Variants in SDCCAG8 observed in about 807,000 individuals in gnomAD.
SDCCAG8 encodes the protein SHH signaling and ciliogenesis regulator SDCCAG8, also known as serologically defined colon cancer antigen 8.
A neutral mutation model predicts 101.8 loss-of-function variants in SDCCAG8; 74 were observed. The observed-to-expected ratio is 0.73, with a 90% CI of 0.60 to 0.88. The LOEUF (loss-of-function observed/expected upper bound fraction) is 0.88, where lower values mean the gene tolerates loss of function less well. SDCCAG8 is among the 40% of genes least tolerant of loss of function. The pLI is 0.00. For missense variants in SDCCAG8, 787 were observed against 822.6 expected (o/e 0.96, Z 0.53); for synonymous variants, 281 against 292.9 (o/e 0.96, Z 0.41).
chr1:243,282,348 C>G lies in SDCCAG8; in HGVS notation c.421-3924C>G, dbSNP rs76922470. Among the ~76,000 whole-genome samples, 946 of 152,212 alleles carry G rather than the reference C, an allele frequency of 6.2e-3. 15 individuals are homozygous for G. Among genetic ancestry groups the G allele is most frequent in the African/African-American group, 0.022 (910 of 41,524 alleles). Reference sequence around the variant, plus strand: ...TTGCTTATAACAGAATTCCCAAGCCCTCTCTCATCCTTTATAACATTTCTG... The same window carrying G: ...TTGCTTATAACAGAATTCCCAAGCCGTCTCTCATCCTTTATAACATTTCTG... On this transcript the variant is annotated intron_variant, in intron 4 of 17. Coordinates refer to ENST00000366541, the MANE Select transcript of SDCCAG8 (RefSeq NM_006642.5).
At chr1:243,442,170 T>C (rs2082581977) in intron 16 of SDCCAG8, among the ~76,000 whole-genome samples, 1 of 152,238 alleles carries the variant, frequency 6.6e-6, no homozygotes, top group African/African-American at 2.4e-5. Flanking sequence ...AGGTGATTTT[T>C]ACATCTATAT....
chr1:243,453,534 A>G (rs905916704), intron 16 of SDCCAG8, among the ~76,000 whole-genome samples: 2 of 152,164 alleles, frequency 1.3e-5, no homozygotes, highest in African/African-American at 4.8e-5. Flanking sequence ...GCTCTACAAG[A>G]GTGTGAATCA....
intron 12 of SDCCAG8, among the ~76,000 whole-genome samples, chr1:243,346,608 G>A (rs1367698245): frequency 6.6e-6 from 1 of 152,164 alleles, no homozygotes; most frequent in African/African-American, 2.4e-5. Flanking sequence ...CTTGGCTCTG[G>A]CATAATTAGA....
chr1:243,491,193 G>A (rs372620098), intron 17 of SDCCAG8, among the ~76,000 whole-genome samples: 156 of 152,264 alleles, frequency 1.0e-3, no homozygotes, highest in Admixed American at 1.9e-3. Flanking sequence ...ATGGATCACC[G>A]ATGCTTAGAA....
chr1:243,351,975 C>T (rs953901560), intron 12 of SDCCAG8, among the ~76,000 whole-genome samples: 4 of 152,130 alleles, frequency 2.6e-5, no homozygotes, highest in Non-Finnish European at 5.9e-5. Context: ...CATTTAGTCA[C>T]GTTGTTAATG....
chr1:243,287,601 A>G (rs923315715), intron 5 of SDCCAG8, among the ~76,000 whole-genome samples: 1 of 152,176 alleles, frequency 6.6e-6, no homozygotes, highest in African/African-American at 2.4e-5. Context: ...CTCACTGTAT[A>G]ACTTTTTCCT....
chr1:243,346,817 G>A (rs1306698350), intron 12 of SDCCAG8, among the ~76,000 whole-genome samples: 1 of 152,164 alleles, frequency 6.6e-6, no homozygotes, highest in Non-Finnish European at 1.5e-5. Context: ...AGGAGAATGT[G>A]AAATATGCTC....
intron 6 of SDCCAG8, chr1:243,293,544 C>A (rs1200663468): frequency 2.1e-5 from 10 of 484,684 alleles, no homozygotes; most frequent in Non-Finnish European, 4.0e-5. Context: ...TGGAATTAAA[C>A]AATACTTGTC....
chr1:243,403,913 C>T (rs188587002), intron 13 of SDCCAG8, among the ~76,000 whole-genome samples: 1 of 152,338 alleles, frequency 6.6e-6, no homozygotes, highest in East Asian at 1.9e-4. Flanking sequence ...CATCCCCACA[C>T]CCCCTACCCT....
chr1:243,335,067 A>G (rs1341468428), intron 10 of SDCCAG8, among the ~76,000 whole-genome samples: 2 of 152,174 alleles, frequency 1.3e-5, no homozygotes, highest in African/African-American at 4.8e-5. Flanking sequence ...CTCATGTAAA[A>G]TGTGCTCAGT....
chr1:243,489,277 G>C (rs1022426241), intron 17 of SDCCAG8, 137 bp downstream of exon 17: 13 of 1,220,282 alleles, frequency 1.1e-5, no homozygotes, highest in Admixed American at 6.4e-5. Context: ...CCCGAAGACT[G>C]TGCTGGGCAC....
chr1:243,368,179 C>T (rs550181647), intron 12 of SDCCAG8, among the ~76,000 whole-genome samples: 1 of 150,338 alleles, frequency 6.7e-6, no homozygotes, highest in East Asian at 2.0e-4. Context: ...TCTCACCAGC[C>T]TGGGTGACAC....
intron 12 of SDCCAG8, among the ~76,000 whole-genome samples, chr1:243,373,993 A>G (rs1289974704): frequency 2.0e-5 from 3 of 152,168 alleles, no homozygotes; most frequent in Non-Finnish European, 4.4e-5. Context: ...AACATATAAT[A>G]AGCAAAGGAA....
intron 4 of SDCCAG8, among the ~76,000 whole-genome samples, chr1:243,284,057 T>C (rs951061343): frequency 2.0e-5 from 3 of 152,222 alleles, no homozygotes; most frequent in Non-Finnish European, 4.4e-5. Context: ...ATCATAATTA[T>C]TTTAAATTCC....
chr1:243,453,344 A>T (rs967901557), intron 16 of SDCCAG8, among the ~76,000 whole-genome samples: 4 of 152,178 alleles, frequency 2.6e-5, no homozygotes, highest in Admixed American at 2.6e-4. Context: ...AATGCAACAT[A>T]AAAGTCCAGG....
At chr1:243,447,447 AT>A (rs1300134649) in intron 16 of SDCCAG8, among the ~76,000 whole-genome samples, 1 of 151,726 alleles carries the variant, frequency 6.6e-6, no homozygotes, top group Non-Finnish European at 1.5e-5. Flanking sequence ...CATCCATTCT[AT>A]TTTTCTTCCT....
intron 4 of SDCCAG8, among the ~76,000 whole-genome samples, chr1:243,281,967 C>T (rs899386890): frequency 6.6e-6 from 1 of 151,944 alleles, no homozygotes; most frequent in Non-Finnish European, 1.5e-5. Flanking sequence ...TTTGATTGAG[C>T]ATTTTATATG....
At chr1:243,494,408 A>G (rs1667295665) in intron 17 of SDCCAG8, among the ~76,000 whole-genome samples, 1 of 152,196 alleles carries the variant, frequency 6.6e-6, no homozygotes, top group Non-Finnish European at 1.5e-5. Flanking sequence ...ACTTGAACAT[A>G]TGCAGCTAAA....
chr1:243,446,582 G>A (rs1388378624), intron 16 of SDCCAG8, among the ~76,000 whole-genome samples: 1 of 152,278 alleles, frequency 6.6e-6, no homozygotes, highest in East Asian at 1.9e-4. Context: ...TTGTGTCAGA[G>A]AAAGGCCAAC....
Sources: allele counts gnomAD v4.1 joint callset (sites outside exome capture counted in the v4.1 genomes callset), GRCh38; gene constraint gnomAD v4.1.1; transcripts MANE v1.5; gene names NCBI Gene and HGNC (gene_info 2026-07-23, HGNC 2026-07-21).